The following UNC13B variants were observed in gnomAD, a reference collection of about 807,000 sequenced individuals.
The protein encoded by UNC13B is unc-13 homolog B, also known as protein unc-13 homolog B.
Under a neutral mutation model 211.0 loss-of-function variants are expected in UNC13B, and 144 were observed. The ratio of observed to expected loss-of-function variants is 0.68; its 90% confidence interval spans 0.60 to 0.78. UNC13B has a LOEUF of 0.78. Ranked by LOEUF, UNC13B falls within the 30% of genes least tolerant of loss-of-function variation. UNC13B has a pLI of 0.00. For synonymous variants in UNC13B, 709 were observed against 725.8 expected, an observed-to-expected ratio of 0.98 and a Z score of 0.37; for missense variants, 1,777 against 2,002.0, an observed-to-expected ratio of 0.89 and a Z score of 2.14.
chr9:35,174,877 C>T (rs536729652), intron 1 of UNC13B, among the ~76,000 whole-genome samples: 107 of 149,336 alleles, frequency 7.2e-4, no homozygotes, highest in Non-Finnish European at 1.2e-3. Context: ...TGAGCCACCG[C>T]GCCCGGCCAC....
intron 5 of UNC13B, among the ~76,000 whole-genome samples, chr9:35,239,939 T>A (rs2131544231): frequency 6.6e-6 from 1 of 152,276 alleles, no homozygotes; most frequent in Middle Eastern, 3.4e-3. Flanking sequence ...ATTTAAACAA[T>A]TTGTGCAGTT....
chr9:35,353,824 CTATT>C (rs1192197465), intron 11 of UNC13B: 15 of 1,226,132 alleles, frequency 1.2e-5, no homozygotes, highest in Non-Finnish European at 1.5e-5. Flanking sequence ...TTCTGAGTCA[CTATT>C]TAACAGGGTC....
At chr9:35,238,092 A>G (rs987207907) in intron 5 of UNC13B, among the ~76,000 whole-genome samples, 1 of 152,204 alleles carries the variant, frequency 6.6e-6, no homozygotes, top group African/African-American at 2.4e-5. Context: ...GACTTATGAA[A>G]TATTTGCTTG....
At chr9:35,372,534 A>G (rs56057145) in intron 13 of UNC13B, among the ~76,000 whole-genome samples, 1 of 69,934 alleles carries the variant, frequency 1.4e-5, no homozygotes, top group Non-Finnish European at 2.8e-5. Context: ...CCCCTGTGCA[A>G]GAGTGTGGCT....
chr9:35,294,596 G>A lies in UNC13B; in HGVS notation c.527-1100G>A, dbSNP rs932464866. On this transcript the variant is annotated intron_variant, in intron 7 of 39. Transcript: ENST00000635942. Reference sequence around the variant, plus strand: ...GCTGGGATTACAGGTGGGAGCCACCGCGCCTGGCCCCAAGATAATCTTTTA... The same window carrying A: ...GCTGGGATTACAGGTGGGAGCCACCACGCCTGGCCCCAAGATAATCTTTTA... 8.5e-5 allele frequency among the ~76,000 whole-genome samples: 13 copies of A among 152,158 alleles called. No homozygotes were observed. In the South Asian group the frequency reaches 1.0e-3, roughly 12 times the overall value.
intron 1 of UNC13B, among the ~76,000 whole-genome samples, chr9:35,201,657 T>C (rs569098579): frequency 6.6e-6 from 1 of 152,266 alleles, no homozygotes; most frequent in Non-Finnish European, 1.5e-5. Flanking sequence ...TGGTAGTTTG[T>C]ATTTCTGTGG....
chr9:35,232,793 A>G (rs1825287675), intron 3 of UNC13B, among the ~76,000 whole-genome samples: 1 of 152,208 alleles, frequency 6.6e-6, no homozygotes, highest in Non-Finnish European at 1.5e-5. Context: ...TATTTTGGTC[A>G]GTTGAAGCCA....
intron 1 of UNC13B, among the ~76,000 whole-genome samples, chr9:35,194,920 TGA>T (rs989284756): frequency 6.6e-6 from 1 of 152,136 alleles, no homozygotes; most frequent in Non-Finnish European, 1.5e-5. Context: ...CTCTCTAGTG[TGA>T]GAGGGGAATT....
At chr9:35,364,481 C>T (rs1032526985) in intron 11 of UNC13B, 34 of 1,518,990 alleles carry the variant, frequency 2.2e-5, no homozygotes, top group African/African-American at 5.5e-5. Context: ...CTTTGGGTTC[C>T]CTACTTATAG....
At chr9:35,344,199 G>A (rs1832205167) in intron 11 of UNC13B, among the ~76,000 whole-genome samples, 1 of 152,200 alleles carries the variant, frequency 6.6e-6, no homozygotes, top group South Asian at 2.1e-4. Flanking sequence ...ACACTGGAGA[G>A]ATACCAGCTA....
In UNC13B at chr9:35,307,413, T is replaced by A; in HGVS notation, c.8009T>A (p.Ile2670Asn). The A allele has an allele frequency of 2.5e-6, 1 of 399,036 alleles. No individual in the cohort carries two copies. The highest frequency in any genetic ancestry group is 4.4e-6 in the Non-Finnish European group (1 of 226,130). The allele number at this position is 399,036 out of a possible 1,614,324, so 24.7% of individuals were successfully genotyped here. Residue 2670 changes from isoleucine (I) to asparagine (N), a missense_variant, in exon 9 of 40, where the codon ATT (isoleucine) becomes AAT (asparagine). By Grantham distance (149) the Ile-to-Asn change is moderately radical. Transcript: ENST00000635942. Reference sequence around the variant, plus strand: ...ATTGCCGAAGAGCTTCCTCCTCCCATTCAGCCACCTCTTCCTCTTGAGCCA... The same window carrying A: ...ATTGCCGAAGAGCTTCCTCCTCCCAATCAGCCACCTCTTCCTCTTGAGCCA... ...TCIAEELPPP[I>N]QPPLPLEPEP...
Position 35,333,479 on chromosome 9 carries a change from C to G in UNC13B, c.9414+19490C>G, listed in dbSNP as rs140863613. On this transcript the variant is annotated intron_variant, in intron 11 of 39. Transcript: ENST00000635942. ...TGAATAAGGGTTTAATAATATCATA[C>G]ATGTAGAGCAGGGCATGGTGTGTTG... Among the ~76,000 whole-genome samples, 52 of 152,306 alleles carry G rather than the reference C, an allele frequency of 3.4e-4. No homozygotes were observed. In the East Asian group the frequency reaches 9.4e-3, roughly 28 times the overall value.
In UNC13B at chr9:35,403,862, T is replaced by A; in HGVS notation, c.12852T>A (p.Asp4284Glu). The A allele has an allele frequency of 6.2e-7, 1 of 1,614,172 alleles. No homozygotes were observed. Among genetic ancestry groups the A allele is most frequent in the Non-Finnish European group, 8.5e-7 (1 of 1,180,030 alleles). The change falls in exon 40 of 40, where the codon GAT (aspartate) becomes GAA (glutamate). Residue 4284 changes from aspartate (D) to glutamate (E), a missense_variant. Coordinates refer to ENST00000635942, the MANE Select transcript of UNC13B (RefSeq NM_001371189.2). Reference sequence around the variant, plus strand: ...GGCTGGCTGTGATGCCTCTGAGGGATGTCACAGCCAAGGGCAGCTGTGCCT... The same window carrying A: ...GGCTGGCTGTGATGCCTCTGAGGGAAGTCACAGCCAAGGGCAGCTGTGCCT... Reference protein sequence around the residue: ...VLGLAVMPLRDVTAKGSCACW... With the variant: ...VLGLAVMPLREVTAKGSCACW...
At chr9:35,250,192 T>C (rs1826375436) in intron 6 of UNC13B, among the ~76,000 whole-genome samples, 1 of 152,220 alleles carries the variant, frequency 6.6e-6, no homozygotes, top group Non-Finnish European at 1.5e-5. Context: ...ATATATACCA[T>C]ACAGTTCACT....
intron 30 of UNC13B, 120 bp from the exon 31 acceptor site, chr9:35,398,091 G>C (rs899540783): frequency 3.6e-6 from 3 of 826,702 alleles, no homozygotes; most frequent in Non-Finnish European, 5.6e-6. Context: ...TTAGTGCTGA[G>C]GGAGAAACCT....
intron 1 of UNC13B, among the ~76,000 whole-genome samples, chr9:35,165,288 A>T (rs1276306649): frequency 6.6e-6 from 1 of 152,190 alleles, no homozygotes; most frequent in South Asian, 2.1e-4. Context: ...ATAAAGAAGA[A>T]CAGTTGGGTT....
Position 35,364,525 on chromosome 9 carries a change from T to C in UNC13B, c.9415-2422T>C, listed in dbSNP as rs1833645825. On this transcript the variant is annotated intron_variant, in intron 11 of 39. Transcript: ENST00000635942. ...CTACTAACCTTTCTGCCCTTTTTTC[T>C]GCTCTTTCTCTCCTTGCAGAAGAAA... 2.6e-6 allele frequency: 4 copies of C among 1,536,046 alleles called. No individual in the cohort carries two copies. The East Asian group carries it at 9.8e-5, about 38-fold the overall frequency.
At chr9:35,204,013 C>T (rs1055947435) in intron 1 of UNC13B, among the ~76,000 whole-genome samples, 2 of 152,232 alleles carry the variant, frequency 1.3e-5, no homozygotes, top group African/African-American at 2.4e-5. Flanking sequence ...TTGGCTAGGC[C>T]CAGGGCCTTG....
At chr9:35,352,750 C>T (rs545448946) in intron 11 of UNC13B, 27 of 1,232,208 alleles carry the variant, frequency 2.2e-5, no homozygotes, top group Middle Eastern at 3.1e-4. Flanking sequence ...TCAGTGGCAG[C>T]TGTGATGAAC....
Sources: gnomAD v4.1 joint callset for allele counts (sites outside exome capture counted in the v4.1 genomes callset) on GRCh38, gnomAD v4.1.1 for gene constraint, MANE v1.5 for transcripts, NCBI Gene and HGNC (gene_info 2026-07-23, HGNC 2026-07-21) for gene names.